CDK6: variants seen among roughly 807,000 people sequenced by gnomAD.
CDK6 encodes cyclin-dependent kinase 6.
Under a neutral mutation model 37.1 loss-of-function variants are expected in CDK6, and 6 were observed. The observed-to-expected ratio is 0.16, with a 90% CI of 0.09 to 0.32. The LOEUF is 0.32. CDK6 is among the 10% of genes least tolerant of loss of function. The pLI is 1.00. For synonymous variants in CDK6, 160 were observed against 161.3 expected, an observed-to-expected ratio of 0.99 and a Z score of 0.06; for missense variants, 224 against 418.9, an observed-to-expected ratio of 0.53 and a Z score of 4.06.
At chr7:92,673,602 G>A (rs1797138224) in intron 4 of CDK6, among the ~76,000 whole-genome samples, 1 of 152,062 alleles carries the variant, frequency 6.6e-6, no homozygotes, top group South Asian at 2.1e-4. Flanking sequence ...AACTTCCATA[G>A]CCTTTATATC....
At chr7:92,763,188 GA>G (rs1429393134) in intron 3 of CDK6, among the ~76,000 whole-genome samples, 2 of 152,198 alleles carry the variant, frequency 1.3e-5, no homozygotes, top group Non-Finnish European at 2.9e-5. Flanking sequence ...ATGACAATTA[GA>G]AGAAAATTAG....
chr7:92,672,134 C>CATATATATATATATAT (rs372523914), intron 4 of CDK6, among the ~76,000 whole-genome samples: 97 of 65,390 alleles, frequency 1.5e-3, no homozygotes, highest in African/African-American at 4.5e-3. Context: ...AAAAGCTGTA[C>CATATATATATATATAT]ATATATATAT....
intron 3 of CDK6, among the ~76,000 whole-genome samples, chr7:92,760,919 T>A (rs1323331211): frequency 6.6e-6 from 1 of 152,096 alleles, no homozygotes; most frequent in East Asian, 1.9e-4. Context: ...TTTTTATTGT[T>A]CATTTCTCTA....
At chr7:92,712,882 T>TATG (rs1225119870) in intron 4 of CDK6, among the ~76,000 whole-genome samples, 35 of 123,776 alleles carry the variant, frequency 2.8e-4, no homozygotes, top group South Asian at 4.8e-4. Context: ...ATGTATGTAT[T>TATG]TATTTATTTG....
chr7:92,778,946 T>TATATATATATATATAAAA (rs1479181745), intron 2 of CDK6, among the ~76,000 whole-genome samples: 1 of 135,010 alleles, frequency 7.4e-6, no homozygotes, highest in African/African-American at 3.0e-5. Context: ...TATATATATA[T>TATATATATATATATAAAA]AAGATATTAT....
At chr7:92,638,044 G>A (rs1030303017) in intron 5 of CDK6, among the ~76,000 whole-genome samples, 5 of 152,090 alleles carry the variant, frequency 3.3e-5, no homozygotes, top group African/African-American at 1.2e-4. Context: ...TGTATGCATT[G>A]CTCATAAAAT....
intron 7 of CDK6, among the ~76,000 whole-genome samples, chr7:92,617,214 G>C (rs889932047): frequency 5.3e-5 from 8 of 152,184 alleles, no homozygotes; most frequent in African/African-American, 1.9e-4. Flanking sequence ...AACATGGGCA[G>C]AGTGGCGGGT....
At chr7:92,743,221 C>T (rs900681778) in intron 3 of CDK6, among the ~76,000 whole-genome samples, 3 of 151,474 alleles carry the variant, frequency 2.0e-5, no homozygotes, top group African/African-American at 7.3e-5. Context: ...ACTAAAAATA[C>T]AAAAATTAGC....
chr7:92,622,007 GTT>G (rs34468342), intron 6 of CDK6, among the ~76,000 whole-genome samples: 30 of 139,198 alleles, frequency 2.2e-4, no homozygotes, highest in South Asian at 4.6e-4. Context: ...TTTAGGGGTG[GTT>G]TTTTTTTTTT....
At position 92,781,142 on chromosome 7, in the gene CDK6, T is replaced by C. The variant is rs541690759; in HGVS notation, c.234-6311A>G. 2.0e-5 allele frequency among the ~76,000 whole-genome samples: 3 copies of C among 152,370 alleles called. No individual in the cohort carries two copies. The East Asian group carries it at 5.8e-4, about 29-fold the overall frequency. ...ACTGGTTATTGGCATTAACTAAGGC[T>C]ATGCCTTCAGTTTAGCTGTGCAAAA... On this transcript the variant is annotated intron_variant, in intron 2 of 7. Coordinates refer to ENST00000424848, the MANE Select transcript of CDK6 (RefSeq NM_001145306.2).
At chr7:92,645,130 G>A (rs1190872268) in intron 5 of CDK6, among the ~76,000 whole-genome samples, 1 of 152,200 alleles carries the variant, frequency 6.6e-6, no homozygotes, top group African/African-American at 2.4e-5. Context: ...GTCTCTTTGG[G>A]ATGAACCTTC....
intron 5 of CDK6, among the ~76,000 whole-genome samples, chr7:92,656,877 G>C (rs1046928776): frequency 1.3e-5 from 2 of 151,996 alleles, no homozygotes; most frequent in Non-Finnish European, 2.9e-5. Flanking sequence ...TGGAGGATAG[G>C]AGCATTCTTA....
At chr7:92,671,086 A>G (rs957948900) in intron 5 of CDK6, 2 of 165,956 alleles carry the variant, frequency 1.2e-5, no homozygotes. Flanking sequence ...CCTCCTATGG[A>G]TAAAGTCCAC....
chr7:92,625,087 T>A (rs1276130348), intron 5 of CDK6, among the ~76,000 whole-genome samples: 1 of 152,076 alleles, frequency 6.6e-6, no homozygotes, highest in Non-Finnish European at 1.5e-5. Context: ...TTAATTTCTT[T>A]GACTTAGTTG....
chr7:92,740,569 G>T (rs1440341235), intron 3 of CDK6, among the ~76,000 whole-genome samples: 1 of 152,154 alleles, frequency 6.6e-6, no homozygotes, highest in African/African-American at 2.4e-5. Flanking sequence ...GGAAATGGGG[G>T]TGGGATGAGA....
chr7:92,759,563 C>A (rs1237333908), intron 3 of CDK6, among the ~76,000 whole-genome samples: 2 of 151,800 alleles, frequency 1.3e-5, no homozygotes, highest in Non-Finnish European at 2.9e-5. Flanking sequence ...AGGGGCATTA[C>A]CAAAACTATG....
chr7:92,730,892 T>C (rs568288089), intron 3 of CDK6, among the ~76,000 whole-genome samples: 18 of 152,328 alleles, frequency 1.2e-4, no homozygotes, highest in Non-Finnish European at 2.6e-4. Context: ...TTTTTGGATA[T>C]ATACTCAGAA....
intron 4 of CDK6, among the ~76,000 whole-genome samples, chr7:92,720,997 A>G (rs1224380169): frequency 2.6e-5 from 4 of 152,230 alleles, no homozygotes; most frequent in Non-Finnish European, 5.9e-5. Flanking sequence ...TGGTTTTCCA[A>G]TGAGAACAAA....
intron 4 of CDK6, among the ~76,000 whole-genome samples, chr7:92,678,863 G>A (rs966793107): frequency 6.6e-6 from 1 of 152,192 alleles, no homozygotes; most frequent in African/African-American, 2.4e-5. Flanking sequence ...GAAGCATGAG[G>A]TCAGGATCCT....
Sources: gnomAD v4.1 joint callset for allele counts (sites outside exome capture counted in the v4.1 genomes callset) on GRCh38, gnomAD v4.1.1 for gene constraint, MANE v1.5 for transcripts, NCBI Gene and HGNC (gene_info 2026-07-23, HGNC 2026-07-21) for gene names.